MAP3K6: variants seen among roughly 807,000 people sequenced by gnomAD.
The protein encoded by MAP3K6 is apoptosis signal-regulating kinase 2.
A neutral mutation model predicts 147.1 loss-of-function variants in MAP3K6; 105 were observed. The observed-to-expected ratio is 0.71, with a 90% confidence interval of 0.61 to 0.84. MAP3K6 has a LOEUF of 0.84. Among genes scored for constraint, MAP3K6 ranks in the 40% least tolerant of loss-of-function variants. The probability of loss-of-function intolerance (pLI) is 0.00; values close to 1 mark genes in which losing one functional copy is unlikely to be tolerated. For synonymous variants in MAP3K6, 695 were observed against 732.4 expected (o/e 0.95, Z 0.82); for missense variants, 1,569 against 1,715.0 (o/e 0.91, Z 1.50).
chr1:27,355,708 G>A lies in MAP3K6; in HGVS notation c.3749C>T (p.Thr1250Ile), dbSNP rs2015495813. 2 of 1,611,868 alleles carry A rather than the reference G, an allele frequency of 1.2e-6. No individual in the cohort carries two copies. The highest frequency in any genetic ancestry group is 1.7e-5 in the Admixed American group (1 of 59,806). Residue 1250 changes from threonine (T) to isoleucine (I), a missense_variant, in exon 28 of 29, where the codon ACC becomes ATC. Physicochemically the swap from Thr to Ile is moderately conservative, Grantham distance 89 (BLOSUM62 -1). Coordinates refer to ENST00000357582, the MANE Select transcript of MAP3K6 (RefSeq NM_004672.5). ...NHSFTLHTLL[T>I]YATRDDLIYT... ...GATGAGGTCATCTCGAGTGGCATAGGTGAGCAGAGTGTGGAGGGTGAAGCT... is the reference window on the plus strand; with the variant it reads ...GATGAGGTCATCTCGAGTGGCATAGATGAGCAGAGTGTGGAGGGTGAAGCT...
rs368516431 is a variant in MAP3K6, at chr1:27,360,665, C to G, written c.2054+40G>C. 1.1e-5 allele frequency: 18 copies of G among 1,587,302 alleles called. 1 individual carries two copies. In the African/African-American group the frequency reaches 1.9e-4, roughly 17 times the overall value. On this transcript the variant is annotated intron_variant, in intron 15 of 28. Transcript: ENST00000357582. The surrounding 1 kb of genome is among the most constrained non-coding windows in gnomAD (Gnocchi z 4.5). Reference sequence around the variant, plus strand: ...CTCGTGGCCCGGCTCACTCGGCCCTCGCGAGCCCTCAGCCCCACCCGCGCT... The same window carrying G: ...CTCGTGGCCCGGCTCACTCGGCCCTGGCGAGCCCTCAGCCCCACCCGCGCT...
chr1:27,360,682 ACCCG>A lies in MAP3K6; in HGVS notation c.2054+19_2054+22del, dbSNP rs777822499. 6.3e-7 allele frequency: 1 copy of A among 1,597,220 alleles called. No homozygotes were observed. The highest frequency in any genetic ancestry group is 1.1e-5 in the South Asian group (1 of 90,178). On this transcript the variant is annotated intron_variant, in intron 15 of 28. Coordinates refer to ENST00000357582, the MANE Select transcript of MAP3K6 (RefSeq NM_004672.5). The surrounding 1 kb of genome is among the most constrained non-coding windows in gnomAD (Gnocchi z 4.5). The stretch of plus-strand genomic sequence containing the variant: ...TCGGCCCTCGCGAGCCCTCAGCCCC[ACCCG>A]CGCTGCCACGCACCGCACCTGCTGT...
Position 27,359,275 on chromosome 1 carries a change from C to T in MAP3K6, c.2425+142G>A. On this transcript the variant is annotated intron_variant, in intron 18 of 28. Transcript: ENST00000357582. The surrounding 1 kb of genome is among the most constrained non-coding windows in gnomAD (Gnocchi z 4.4). ...AGTTCCAGATGCCACCACCTCAGCCCTGGCCCAATCACTCACCCTGGGTTT... is the reference window on the plus strand; with the variant it reads ...AGTTCCAGATGCCACCACCTCAGCCTTGGCCCAATCACTCACCCTGGGTTT... 8.2e-7 allele frequency: 1 copy of T among 1,225,144 alleles called. No homozygotes were observed. Among genetic ancestry groups the T allele is most frequent in the Non-Finnish European group, 1.1e-6 (1 of 872,286 alleles). 75.9% of individuals were successfully genotyped at this position (1,225,144 alleles called of 1,614,324 possible).
chr1:27,355,613 A>C, intron 28 of MAP3K6, 56 bp downstream of exon 28: 1 of 1,600,394 alleles, frequency 6.2e-7, no homozygotes, highest in Non-Finnish European at 8.6e-7. Context: ...GCAGGCCTGC[A>C]GTTGGCCAGG....
chr1:27,356,157 G>C, intron 26 of MAP3K6, 58 bp from the exon 27 acceptor site: 1 of 1,490,538 alleles, frequency 6.7e-7, no homozygotes, highest in South Asian at 1.1e-5. Flanking sequence ...AAGCTGCCTC[G>C]AACCCACCAA....
chr1:27,362,003 G>A (rs1194683372), intron 9 of MAP3K6, 88 bp downstream of exon 9: 4 of 1,533,708 alleles, frequency 2.6e-6, no homozygotes, highest in Admixed American at 2.0e-5. Flanking sequence ...CAGGTCATTG[G>A]CTCAGGGTTC....
At chr1:27,356,917 C>A in intron 24 of MAP3K6, 92 bp downstream of exon 24, 1 of 1,451,994 alleles carries the variant, frequency 6.9e-7, no homozygotes, top group Non-Finnish European at 9.5e-7. Context: ...GCCCCTGTCC[C>A]GCCTGGCCCC....
In MAP3K6 at chr1:27,359,574, A is replaced by G. The variant is rs778294691; in HGVS notation, c.2320-52T>C. The G allele has an allele frequency of 1.2e-6, 2 of 1,609,554 alleles. No homozygotes were observed. Among genetic ancestry groups the G allele is most frequent in the Admixed American group, 1.7e-5 (1 of 59,640 alleles). ...GGTCTGGGCCCCTGCCAGCAGAAGT[A>G]GACCCTCTTTCTGGGATCCCATCTC... On this transcript the variant is annotated intron_variant, in intron 17 of 28. Coordinates refer to ENST00000357582, the MANE Select transcript of MAP3K6 (RefSeq NM_004672.5). The surrounding 1 kb of genome is among the most constrained non-coding windows in gnomAD (Gnocchi z 4.4).
rs1248849114 is a variant in MAP3K6 at position 27,366,534 on chromosome 1, C to T, written c.64G>A (p.Ala22Thr). ...RAGSCWQDPLAVALSRGRQLA... is the reference protein window; with the variant it reads ...RAGSCWQDPLTVALSRGRQLA... ...TGCCGGCCCCGGCTCAGCGCCACGG[C>T]CAGCGGGTCCTGCCAGCAGCTGCCG... is the stretch of plus-strand genomic sequence containing the variant. Residue 22 changes from alanine to threonine, a missense_variant, in exon 1 of 29, where the codon GCC becomes ACC. Physicochemically the swap from Ala to Thr is moderately conservative, Grantham distance 58. Coordinates refer to ENST00000357582, the MANE Select transcript of MAP3K6 (RefSeq NM_004672.5). This position sits in a 1 kb window ranked among gnomAD's most constrained non-coding sequence, Gnocchi z 5.5. 5.4e-6 allele frequency: 6 copies of T among 1,101,998 alleles called. No homozygotes were observed. The highest frequency in any genetic ancestry group is 6.6e-6 in the Non-Finnish European group (6 of 906,304). The allele number at this position is 1,101,998 out of a possible 1,614,324, so 68.3% of individuals were successfully genotyped here. A position where few individuals can be genotyped will look rare whatever the true frequency, so the allele number is the denominator to read the frequency against.
chr1:27,361,050 G>GAGGGGA, intron 13 of MAP3K6, 42 bp from the exon 14 acceptor site: 1 of 1,538,594 alleles, frequency 6.5e-7, no homozygotes, highest in South Asian at 1.2e-5. Context: ...GGGCATCTTG[G>GAGGGGA]TCCCCACCTA....
At position 27,356,483 on chromosome 1, in the gene MAP3K6, G is replaced by T. The variant is rs767652137; in HGVS notation, c.3542C>A (p.Ala1181Glu). Residue 1181 changes from alanine to glutamate, a missense_variant, in exon 26 of 29, where the codon GCG (alanine) becomes GAG (glutamate). Ala to Glu is a moderately radical substitution (Grantham distance 107). Transcript: ENST00000357582. ...AETDRLREIL[A>E]GKEREYQALV... is the part of the protein sequence containing the mutation. ...GGCCTGGTACTCCCGTTCCTTCCCC[G>T]CCAGGATTTCGCGCAGCCTGTGGGG... is the stretch of plus-strand genomic sequence containing the variant. 1 of 1,613,900 alleles carries T rather than the reference G, an allele frequency of 6.2e-7. No individual in the cohort carries two copies. Among genetic ancestry groups the T allele is most frequent in the East Asian group, 2.2e-5 (1 of 44,884 alleles).
Position 27,362,989 on chromosome 1 carries a change from A to G in MAP3K6, c.1004T>C (p.Leu335Pro). The G allele has an allele frequency of 1.2e-6, 2 of 1,613,968 alleles. No homozygotes were observed. The highest frequency in any genetic ancestry group is 1.7e-6 in the Non-Finnish European group (2 of 1,179,986). Reference protein sequence around the residue: ...RNRPGDRAKALSVLLPLVQLE... With the variant: ...RNRPGDRAKAPSVLLPLVQLE... ...CTGTACCAGCGGCAGCAGCACAGAC[A>G]GGGCCTTCGCCCGGTCCCCAGGCCT... Residue 335 changes from leucine (L) to proline (P), a missense_variant, in exon 7 of 29, where the codon CTG becomes CCG. Transcript: ENST00000357582.
Position 27,358,784 on chromosome 1 carries a change from G to A in MAP3K6, c.2508C>T (p.Gly836=), listed in dbSNP as rs776884617. The change falls in exon 19 of 29, where the codon GGC becomes GGT. Residue 836 remains glycine, a synonymous_variant. Coordinates refer to ENST00000357582, the MANE Select transcript of MAP3K6 (RefSeq NM_004672.5). This position sits in a 1 kb window ranked among gnomAD's most constrained non-coding sequence, Gnocchi z 6.2. ...CTGTGGCCATCTCAATGACAGTGCA[G>A]CCCAGTGACCAGATGTCAGCTGCTT... The part of the protein sequence containing the change: ...YGKAADIWSL[G]CTVIEMATGR... 4 of 1,613,842 alleles carry A rather than the reference G, an allele frequency of 2.5e-6. No homozygotes were observed. The East Asian group carries it at 8.9e-5, about 36-fold the overall frequency.
At position 27,357,525 on chromosome 1, in the gene MAP3K6, C is replaced by T; in HGVS notation, c.3133G>A (p.Ala1045Thr). The T allele has an allele frequency of 6.2e-7, 1 of 1,613,442 alleles. No homozygotes were observed. The highest frequency in any genetic ancestry group is 8.5e-7 in the Non-Finnish European group (1 of 1,179,872). The change falls in exon 23 of 29, where the codon GCA (alanine) becomes ACA (threonine). Residue 1045 changes from alanine (A) to threonine (T), a missense_variant. Transcript: ENST00000357582. ...HVEELLRCLG[A>T]HIHTPNRRQL... ...CGGCGGTTGGGAGTGTGGATGTGTGCCCCGAGGCAGCGCAGCAGCTCTTCC... is the reference window on the plus strand; with the variant it reads ...CGGCGGTTGGGAGTGTGGATGTGTGTCCCGAGGCAGCGCAGCAGCTCTTCC...
In MAP3K6 at chr1:27,358,007, C is replaced by T; in HGVS notation, c.2916-131G>A. Reference sequence around the variant, plus strand: ...GGCATGAACATAGATAAACCCCGCACTGAGAGGACACAACAAGTCCAAGTT... The same window carrying T: ...GGCATGAACATAGATAAACCCCGCATTGAGAGGACACAACAAGTCCAAGTT... On this transcript the variant is annotated intron_variant, in intron 21 of 28. Coordinates refer to ENST00000357582, the MANE Select transcript of MAP3K6 (RefSeq NM_004672.5). This position sits in a 1 kb window ranked among gnomAD's most constrained non-coding sequence, Gnocchi z 6.2. 1 of 1,473,096 alleles carries T rather than the reference C, an allele frequency of 6.8e-7. No homozygotes were observed. The highest frequency in any genetic ancestry group is 9.0e-7 in the Non-Finnish European group (1 of 1,113,068). 91.3% of individuals were successfully genotyped at this position (1,473,096 alleles called of 1,614,324 possible).
chr1:27,359,880 T>C lies in MAP3K6; in HGVS notation c.2297A>G (p.His766Arg), dbSNP rs778241376. 6.2e-7 allele frequency: 1 copy of C among 1,614,140 alleles called. No homozygotes were observed. Among genetic ancestry groups the C allele is most frequent in the South Asian group, 1.1e-5 (1 of 91,086 alleles). ...TACTTTTATGTCCCTGTGCACGATG[T>C]GGTTGTCGTGCAAGTAGCCAAGTCC... ...LQGLGYLHDNHIVHRDIKGDN... is the reference protein window; with the variant it reads ...LQGLGYLHDNRIVHRDIKGDN... Residue 766 changes from histidine to arginine, a missense_variant, in exon 17 of 29, where the codon CAC (histidine) becomes CGC (arginine). His to Arg is a conservative substitution (Grantham distance 29). Coordinates refer to ENST00000357582, the MANE Select transcript of MAP3K6 (RefSeq NM_004672.5). The surrounding 1 kb of genome is among the most constrained non-coding windows in gnomAD (Gnocchi z 4.4).
Position 27,363,480 on chromosome 1 carries a change from C to T in MAP3K6, c.933G>A (p.Gln311=), listed in dbSNP as rs775687909. 17 of 1,613,702 alleles carry T rather than the reference C, an allele frequency of 1.1e-5. No homozygotes were observed. Among genetic ancestry groups the T allele is most frequent in the Non-Finnish European group, 1.4e-5 (17 of 1,179,838 alleles). Residue 311 remains glutamine (Q), a synonymous_variant, in exon 6 of 29, where the codon CAG becomes CAA. Transcript: ENST00000357582. ...QALPTCDVAE[Q]HNVCFHYTFA... is the part of the protein sequence containing the mutation. Reference sequence around the variant, plus strand: ...AAGTGTAGTGGAAGCAGACATTATGCTGCTCGGCCACATCACAGGTGGGCA... The same window carrying T: ...AAGTGTAGTGGAAGCAGACATTATGTTGCTCGGCCACATCACAGGTGGGCA...
In MAP3K6 at chr1:27,360,301, A is replaced by G. The variant is rs1308194532; in HGVS notation, c.2122T>C (p.Tyr708His). ...RRLRHKNIVR[Y>H]LGSASQGGYL... ...CCGCCCTGGCTAGCTGAGCCCAGATAGCGCACTATGTTCTTGTGGCGCAGG... is the reference window on the plus strand; with the variant it reads ...CCGCCCTGGCTAGCTGAGCCCAGATGGCGCACTATGTTCTTGTGGCGCAGG... Residue 708 changes from tyrosine (Y) to histidine (H), a missense_variant, in exon 16 of 29, where the codon TAT becomes CAT. Physicochemically the swap from Tyr to His is moderately conservative, Grantham distance 83. Transcript: ENST00000357582. The surrounding 1 kb of genome is among the most constrained non-coding windows in gnomAD (Gnocchi z 4.5). 4 of 1,614,082 alleles carry G rather than the reference A, an allele frequency of 2.5e-6. No individual in the cohort carries two copies. Among genetic ancestry groups the G allele is most frequent in the Non-Finnish European group, 2.5e-6 (3 of 1,179,994 alleles).
rs760831919 is a variant in MAP3K6, at chr1:27,360,800, C to A, written c.1959G>T (p.Val653=). The A allele has an allele frequency of 6.2e-7, 1 of 1,612,802 alleles. No homozygotes were observed. The part of the protein sequence containing the change: ...YEYTETGERL[V]LGKGTYGVVY... ...CCACCCCATACGTGCCCTTGCCCAG[C>A]ACCAGCCGCTCGCCCGTCTCCGTGT... Residue 653 remains valine, a synonymous_variant, in exon 15 of 29, where the codon GTG becomes GTT. Coordinates refer to ENST00000357582, the MANE Select transcript of MAP3K6 (RefSeq NM_004672.5). This position sits in a 1 kb window ranked among gnomAD's most constrained non-coding sequence, Gnocchi z 4.5.
Sources: allele counts gnomAD v4.1 joint callset, GRCh38; gene constraint gnomAD v4.1.1; non-coding constraint Gnocchi (gnomAD v3.1); transcripts MANE v1.5; gene names NCBI Gene and HGNC (gene_info 2026-07-23, HGNC 2026-07-21).